TRMT11: variants seen among roughly 807,000 people sequenced by gnomAD.
TRMT11 encodes tRNA methyltransferase 11.
A neutral mutation model predicts 62.8 loss-of-function variants in TRMT11; 53 were observed. That is an observed-to-expected ratio of 0.84 (90% CI 0.68 to 1.06). The LOEUF is 1.06. Ranked by LOEUF, TRMT11 falls within the 50% of genes least tolerant of loss-of-function variation. The pLI is 0.00. For missense variants in TRMT11, 556 were observed against 553.4 expected (o/e 1.00, Z -0.05); for synonymous variants, 188 against 190.3 (o/e 0.99, Z 0.10).
At chr6:126,217,930 T>C in the TRMT11 span, among the ~76,000 whole-genome samples, 1 of 152,104 alleles carries the variant, frequency 6.6e-6, no homozygotes, top group Non-Finnish European at 1.5e-5. Flanking sequence ...TAATTCTCTA[T>C]TCTACTGCAG....
At chr6:126,014,145 A>C (rs1794654855) in intron 11 of TRMT11, among the ~76,000 whole-genome samples, 1 of 152,250 alleles carries the variant, frequency 6.6e-6, no homozygotes, top group Non-Finnish European at 1.5e-5. Flanking sequence ...TGGAATGTTT[A>C]AATTTGAAAG....
At chr6:126,005,331 A>G (rs759986650) in intron 7 of TRMT11, among the ~76,000 whole-genome samples, 6 of 152,102 alleles carry the variant, frequency 3.9e-5, no homozygotes, top group Non-Finnish European at 7.4e-5. Flanking sequence ...AAAGAAAAGA[A>G]TAAATAGAGC....
intron 17 of TRMT11, among the ~76,000 whole-genome samples, chr6:126,086,069 A>C (rs1041079272): frequency 6.6e-6 from 1 of 152,206 alleles, no homozygotes; most frequent in African/African-American, 2.4e-5. Flanking sequence ...TTGGAGGAAA[A>C]TGTCCTTAGA....
intron 1 of TRMT11, among the ~76,000 whole-genome samples, chr6:126,197,734 T>G (rs1778683066): frequency 6.6e-6 from 1 of 152,182 alleles, no homozygotes; most frequent in Non-Finnish European, 1.5e-5. Flanking sequence ...AGGAATGCAA[T>G]AAGGACACAA....
At chr6:126,068,353 T>C (rs1776749531) in intron 17 of TRMT11, among the ~76,000 whole-genome samples, 1 of 152,248 alleles carries the variant, frequency 6.6e-6, no homozygotes, top group African/African-American at 2.4e-5. Flanking sequence ...CTGTATTCTC[T>C]TGACTCAGGT....
At chr6:126,007,964 T>C (rs1008991084) in intron 7 of TRMT11, among the ~76,000 whole-genome samples, 19 of 152,026 alleles carry the variant, frequency 1.2e-4, no homozygotes, top group African/African-American at 4.6e-4. Context: ...CCCTATTTGT[T>C]TGAAACTCTG....
chr6:126,139,015 A>C (rs1777884447), intron 21 of TRMT11, among the ~76,000 whole-genome samples: 2 of 152,038 alleles, frequency 1.3e-5, no homozygotes, highest in African/African-American at 4.8e-5. Flanking sequence ...CTAGGAAAAC[A>C]ATAATGCATA....
intron 16 of TRMT11, among the ~76,000 whole-genome samples, chr6:126,052,583 G>A (rs1326197046): frequency 6.6e-6 from 1 of 151,958 alleles, no homozygotes; most frequent in Non-Finnish European, 1.5e-5. Flanking sequence ...TATGCATTTG[G>A]CAGAGCTCAT....
At chr6:126,145,941 A>G (rs967887401) in intron 21 of TRMT11, among the ~76,000 whole-genome samples, 3 of 152,198 alleles carry the variant, frequency 2.0e-5, no homozygotes, top group African/African-American at 7.2e-5. Context: ...GTTCATATTA[A>G]TCCATCATCT....
intron 17 of TRMT11, among the ~76,000 whole-genome samples, chr6:126,055,309 G>A (rs1776342304): frequency 6.6e-6 from 1 of 152,136 alleles, no homozygotes. Context: ...ATGAGAGGAA[G>A]GACAGCATGG....
chr6:126,011,204 A>AT, intron 8 of TRMT11, 49 bp from the exon 9 acceptor site: 1 of 1,456,506 alleles, frequency 6.9e-7, no homozygotes, highest in Non-Finnish European at 9.3e-7. Context: ...GACAGAAAAT[A>AT]AGAATACTCT....
chr6:126,027,903 A>G (rs965111230), intron 12 of TRMT11, among the ~76,000 whole-genome samples: 4 of 152,202 alleles, frequency 2.6e-5, no homozygotes. Context: ...CAAAGGAGAT[A>G]ATAGACACTG....
At chr6:126,050,366 G>T (rs1336180098) in intron 16 of TRMT11, among the ~76,000 whole-genome samples, 4 of 150,400 alleles carry the variant, frequency 2.7e-5, no homozygotes, top group Non-Finnish European at 4.4e-5. Context: ...ATAGAAAGTT[G>T]TCATGGGACT....
chr6:126,181,611 A>G (rs748186675), intron 1 of TRMT11, among the ~76,000 whole-genome samples: 5 of 152,308 alleles, frequency 3.3e-5, no homozygotes, highest in East Asian at 1.9e-4. Context: ...GCCCAAGGTG[A>G]ACTCTGATTT....
chr6:126,013,321 A>G (rs971753609), intron 11 of TRMT11, among the ~76,000 whole-genome samples: 21 of 152,044 alleles, frequency 1.4e-4, no homozygotes, highest in African/African-American at 3.1e-4. Flanking sequence ...CAGTAGTGCA[A>G]TCGTGACTCA....
chr6:126,095,486 C>A (rs888051417), intron 17 of TRMT11, among the ~76,000 whole-genome samples: 26 of 152,176 alleles, frequency 1.7e-4, no homozygotes, highest in African/African-American at 6.0e-4. Flanking sequence ...ATATTTAACA[C>A]CCTTGCTTTG....
the TRMT11 span, among the ~76,000 whole-genome samples, chr6:126,245,795 T>C: frequency 6.6e-6 from 1 of 152,076 alleles, no homozygotes; most frequent in African/African-American, 2.4e-5. Flanking sequence ...GAATATACTG[T>C]ATTACCAAAA....
At chr6:126,217,556 A>T in the TRMT11 span, among the ~76,000 whole-genome samples, 5 of 152,136 alleles carry the variant, frequency 3.3e-5, no homozygotes, top group Non-Finnish European at 7.3e-5. Context: ...TACCAGGCAG[A>T]AACTCTTGTT....
intron 1 of TRMT11, among the ~76,000 whole-genome samples, chr6:126,189,206 T>C (rs1778565154): frequency 6.6e-6 from 1 of 152,134 alleles, no homozygotes. Flanking sequence ...GGATAATTGC[T>C]TACCCTCTGT....
Sources: allele counts gnomAD v4.1 joint callset (sites outside exome capture counted in the v4.1 genomes callset), GRCh38; gene constraint gnomAD v4.1.1; transcripts MANE v1.5; gene names NCBI Gene and HGNC (gene_info 2026-07-23, HGNC 2026-07-21).